Variants in DIP2B observed in about 807,000 individuals in gnomAD.
The protein encoded by DIP2B is DIP2 acetate--CoA ligase B (putative), also known as disco-interacting protein 2 homolog B.
A neutral mutation model predicts 198.0 loss-of-function variants in DIP2B; 76 were observed. The ratio of observed to expected loss-of-function variants is 0.38; its 90% confidence interval spans 0.32 to 0.46. The LOEUF is 0.46. Ranked by LOEUF, DIP2B falls within the 20% of genes least tolerant of loss-of-function variation. The pLI, the probability that DIP2B is intolerant of heterozygous loss-of-function variation, is 0.99. For synonymous variants in DIP2B, 701 were observed against 739.1 expected, an observed-to-expected ratio of 0.95 and a Z score of 0.84; for missense variants, 1,559 against 1,978.4, an observed-to-expected ratio of 0.79 and a Z score of 4.02.
intron 1 of DIP2B, among the ~76,000 whole-genome samples, chr12:50,512,481 A>G (rs1045855094): frequency 6.6e-6 from 1 of 152,124 alleles, no homozygotes; most frequent in Non-Finnish European, 1.5e-5. Flanking sequence ...TTTATTTCTT[A>G]TATTGTTTTA....
chr12:50,691,230 C>A, intron 13 of DIP2B, 79 bp downstream of exon 13: 1 of 1,281,020 alleles, frequency 7.8e-7, no homozygotes, highest in Non-Finnish European at 1.1e-6. Flanking sequence ...AGTGATTGGA[C>A]CTCATTTAAT....
intron 1 of DIP2B, among the ~76,000 whole-genome samples, chr12:50,509,818 A>T (rs1456160584): frequency 6.6e-6 from 1 of 152,230 alleles, no homozygotes. Context: ...TCCGTAGCTT[A>T]GTCATAGATT....
chr12:50,621,534 G>T (rs144394275), intron 1 of DIP2B, among the ~76,000 whole-genome samples: 1 of 152,174 alleles, frequency 6.6e-6, no homozygotes, highest in Non-Finnish European at 1.5e-5. Context: ...TTCAACAAGC[G>T]TCTATTGTGC....
intron 1 of DIP2B, among the ~76,000 whole-genome samples, chr12:50,607,149 G>A (rs1208767482): frequency 2.0e-5 from 3 of 151,232 alleles, no homozygotes; most frequent in African/African-American, 7.3e-5. Context: ...TTGGTGGAGT[G>A]GGTGGAGAGG....
chr12:50,682,980 G>A (rs1939070110), intron 9 of DIP2B, among the ~76,000 whole-genome samples, 158 bp from the exon 10 acceptor site: 1 of 152,204 alleles, frequency 6.6e-6, no homozygotes, highest in South Asian at 2.1e-4. Flanking sequence ...TTAGATGTGT[G>A]TCTCTATCTC....
chr12:50,731,248 A>G, intron 30 of DIP2B, 121 bp from the exon 31 acceptor site: 1 of 1,185,440 alleles, frequency 8.4e-7, no homozygotes, highest in Non-Finnish European at 1.2e-6. Context: ...AGAGCTTTAT[A>G]TCTCATATGT....
chr12:50,679,403 T>G (rs912498077), intron 8 of DIP2B: 3 of 157,214 alleles, frequency 1.9e-5, no homozygotes, highest in Non-Finnish European at 4.2e-5. Flanking sequence ...TCAAACAGAT[T>G]CCTTTTCTCC....
chr12:50,709,150 G>A (rs1343065753), intron 22 of DIP2B, among the ~76,000 whole-genome samples: 3 of 152,206 alleles, frequency 2.0e-5, no homozygotes, highest in Non-Finnish European at 2.9e-5. Context: ...CCAGATATGT[G>A]CCCTTGGGCA....
At chr12:50,635,716 A>G (rs1055207101) in intron 2 of DIP2B, among the ~76,000 whole-genome samples, 10 of 152,188 alleles carry the variant, frequency 6.6e-5, no homozygotes, top group Admixed American at 2.0e-4. Context: ...CTCCTGGAGT[A>G]GTCTGTAACC....
intron 1 of DIP2B, among the ~76,000 whole-genome samples, chr12:50,548,860 G>T (rs1462204867): frequency 6.6e-6 from 1 of 152,118 alleles, no homozygotes; most frequent in Non-Finnish European, 1.5e-5. Flanking sequence ...ATACTAAGAG[G>T]TGTTTTTCTG....
intron 4 of DIP2B, 22 bp from the exon 5 acceptor site, chr12:50,671,164 C>CT (rs1938845704): frequency 1.2e-6 from 2 of 1,611,616 alleles, no homozygotes; most frequent in Non-Finnish European, 1.7e-6. Flanking sequence ...TCGAGAACTT[C>CT]TTTTTTTCTA....
chr12:50,505,061 A>C lies in DIP2B; in HGVS notation c.-80A>C. 7.4e-7 allele frequency: 1 copy of C among 1,355,786 alleles called. No homozygotes were observed. The highest frequency in any genetic ancestry group is 1.0e-6 in the Non-Finnish European group (1 of 999,912). 84.0% of individuals were successfully genotyped at this position (1,355,786 alleles called of 1,614,324 possible). Reference sequence around the variant, plus strand: ...CTCGGCGGCCGGAGCCGGATCCTGTAGCCGGGTGTGGGCCCGTGTCTGTCC... The same window carrying C: ...CTCGGCGGCCGGAGCCGGATCCTGTCGCCGGGTGTGGGCCCGTGTCTGTCC... On this transcript the variant is annotated 5_prime_UTR_variant, in exon 1 of 38. An upstream open reading frame in the 5' UTR loses its in-frame stop. Transcript: ENST00000301180.
At chr12:50,738,053 C>T (rs1940170050) in intron 35 of DIP2B, among the ~76,000 whole-genome samples, 1 of 152,030 alleles carries the variant, frequency 6.6e-6, no homozygotes, top group South Asian at 2.1e-4. Flanking sequence ...ATAATAATAG[C>T]ACTGGTGGCC....
At chr12:50,723,757 A>T (rs1262981851) in intron 27 of DIP2B, among the ~76,000 whole-genome samples, 1 of 152,132 alleles carries the variant, frequency 6.6e-6, no homozygotes, top group Non-Finnish European at 1.5e-5. Flanking sequence ...AGAAAAAAAA[A>T]AAGTGTTTCC....
intron 26 of DIP2B, among the ~76,000 whole-genome samples, chr12:50,722,876 A>AT (rs948854662): frequency 6.6e-6 from 1 of 151,872 alleles, no homozygotes; most frequent in Admixed American, 6.6e-5. Context: ...CCATTCTTTT[A>AT]TTTTCCTAGT....
intron 2 of DIP2B, among the ~76,000 whole-genome samples, chr12:50,639,685 A>T (rs1450061220): frequency 6.6e-6 from 1 of 151,748 alleles, no homozygotes; most frequent in East Asian, 1.9e-4. Flanking sequence ...ATCTTAATAT[A>T]TTAGGCATTT....
At chr12:50,507,680 C>T (rs974980122) in intron 1 of DIP2B, among the ~76,000 whole-genome samples, 4 of 152,118 alleles carry the variant, frequency 2.6e-5, no homozygotes, top group Non-Finnish European at 5.9e-5. Context: ...TACAGGCAAG[C>T]GCCACTACTG....
rs1482098685 is a variant in DIP2B, at chr12:50,692,958, T to C, written c.1664T>C (p.Ile555Thr). ...ATTTTTTCTATTTTAGGGGAAACAATAGTAAATGTCTTAGACTTTAAGAAG... is the reference window on the plus strand; with the variant it reads ...ATTTTTTCTATTTTAGGGGAAACAACAGTAAATGTCTTAGACTTTAAGAAG... ...QACNYSEGET[I>T]VNVLDFKKDA... is the part of the protein sequence containing the mutation. The change falls in exon 14 of 38, where the codon ATA becomes ACA. Residue 555 changes from isoleucine (I) to threonine (T), a missense_variant. By Grantham distance (89) the Ile-to-Thr change is moderately conservative. Transcript: ENST00000301180. 1 of 1,608,494 alleles carries C rather than the reference T, an allele frequency of 6.2e-7. No individual in the cohort carries two copies.
At chr12:50,511,991 A>T (rs1454945572) in intron 1 of DIP2B, among the ~76,000 whole-genome samples, 1 of 148,258 alleles carries the variant, frequency 6.7e-6, no homozygotes, top group Non-Finnish European at 1.5e-5. Context: ...AGGTCTTACT[A>T]TGTTCAGCCC....
Sources: allele counts gnomAD v4.1 joint callset (sites outside exome capture counted in the v4.1 genomes callset), GRCh38; gene constraint gnomAD v4.1.1; transcripts MANE v1.5; gene names NCBI Gene and HGNC (gene_info 2026-07-23, HGNC 2026-07-21).